DAAM2: variants seen among roughly 807,000 people sequenced by gnomAD.
DAAM2 encodes dishevelled associated activator of morphogenesis 2, also known as disheveled-associated activator of morphogenesis 2.
In DAAM2, 39 loss-of-function variants were observed where a neutral mutation model predicts 120.7. The ratio of observed to expected loss-of-function variants is 0.32; its 90% CI spans 0.25 to 0.42. The LOEUF (loss-of-function observed/expected upper bound fraction) is 0.42. Among genes scored for constraint, DAAM2 ranks in the 10% least tolerant of loss-of-function variants. DAAM2 has a pLI of 1.00. For synonymous variants in DAAM2, 488 were observed against 524.9 expected, an observed-to-expected ratio of 0.93 and a Z score of 0.96; for missense variants, 1,283 against 1,401.7, an observed-to-expected ratio of 0.92 and a Z score of 1.35.
chr6:39,834,750 T>A (rs1034441891), intron 1 of DAAM2, among the ~76,000 whole-genome samples: 3 of 152,180 alleles, frequency 2.0e-5, no homozygotes, highest in African/African-American at 7.2e-5. Context: ...TCACACCACA[T>A]GCATTTGGAT....
intron 1 of DAAM2, among the ~76,000 whole-genome samples, chr6:39,823,948 A>G (rs781756619): frequency 2.6e-5 from 4 of 151,576 alleles, no homozygotes; most frequent in African/African-American, 4.9e-5. Context: ...ATGATGCTCC[A>G]TTGTATCTCC....
rs41273134 is a variant in DAAM2 at position 39,903,899 on chromosome 6, G to A, written c.*1862G>A. On this transcript the variant is annotated 3_prime_UTR_variant, in exon 25 of 25. Transcript: ENST00000274867. ...AGGCCATCCTGGAACCCAGGTGAGGGCAAGATGAAGGCTTCCAGGCAGAAC... is the reference window on the plus strand; with the variant it reads ...AGGCCATCCTGGAACCCAGGTGAGGACAAGATGAAGGCTTCCAGGCAGAAC... 1.6e-3 allele frequency: 501 copies of A among 314,358 alleles called. No individual in the cohort carries two copies. The highest frequency in any genetic ancestry group is 2.6e-3 in the Non-Finnish European group (427 of 162,780). The allele number at this position is 314,358 out of a possible 1,614,324, so 19.5% of individuals were successfully genotyped here.
At chr6:39,830,848 G>T (rs181008641) in intron 1 of DAAM2, among the ~76,000 whole-genome samples, 2 of 152,288 alleles carry the variant, frequency 1.3e-5, no homozygotes, top group Non-Finnish European at 2.9e-5. Context: ...CCTGCAGTCC[G>T]GACCAGCTTT....
chr6:39,878,126 A>G lies in DAAM2; in HGVS notation c.1302-77A>G, dbSNP rs1764946374. 2 of 1,513,690 alleles carry G rather than the reference A, an allele frequency of 1.3e-6. No homozygotes were observed. Among genetic ancestry groups the G allele is most frequent in the Non-Finnish European group, 1.8e-6 (2 of 1,099,858 alleles). 93.8% of individuals were successfully genotyped at this position (1,513,690 alleles called of 1,614,324 possible). A position where few individuals can be genotyped will look rare whatever the true frequency, so the allele number is the denominator to read the frequency against. ...AGACCAGGGTCCCCACCTGGAGGGT[A>G]GAAAGATGATGTCTCCTGGGAAGCT... is the stretch of plus-strand genomic sequence containing the variant. On this transcript the variant is annotated intron_variant, in intron 11 of 24. Coordinates refer to ENST00000274867, the MANE Select transcript of DAAM2 (RefSeq NM_001201427.2). The surrounding 1 kb of genome is among the most constrained non-coding windows in gnomAD (Gnocchi z 5.0).
chr6:39,814,472 A>G (rs1176118461), intron 1 of DAAM2, among the ~76,000 whole-genome samples: 1 of 152,196 alleles, frequency 6.6e-6, no homozygotes, highest in African/African-American at 2.4e-5. Flanking sequence ...TTGGGTGAGC[A>G]CTGTGGTGAG....
rs1228307595 is a variant in DAAM2 at position 39,883,970 on chromosome 6, C to G, written c.1854C>G (p.Val618=). 2 of 1,611,920 alleles carry G rather than the reference C, an allele frequency of 1.2e-6. No homozygotes were observed. The highest frequency in any genetic ancestry group is 4.5e-5 in the East Asian group (2 of 44,864). Residue 618 remains valine (V), a synonymous_variant, in exon 15 of 25, where the codon GTC becomes GTG. Coordinates refer to ENST00000274867, the MANE Select transcript of DAAM2 (RefSeq NM_001201427.2). ...FNWVKLNEER[V]PGTVWNEIDD... is the part of the protein sequence containing the mutation. ...CCTACCCTGAATTTTAGGAGCGTGT[C>G]CCTGGCACCGTATGGAATGAGATTG...
intron 17 of DAAM2, among the ~76,000 whole-genome samples, chr6:39,891,082 G>T (rs1233318359): frequency 7.6e-6 from 1 of 131,216 alleles, no homozygotes; most frequent in African/African-American, 2.8e-5. Context: ...GACAGAGTGA[G>T]ACCCTATTAA....
intron 23 of DAAM2, 80 bp downstream of exon 23, chr6:39,900,288 G>A: frequency 1.3e-6 from 2 of 1,510,838 alleles, no homozygotes; most frequent in East Asian, 2.4e-5. Flanking sequence ...ACCACAGACA[G>A]CCCAGGAGGG....
intron 19 of DAAM2, 30 bp from the exon 20 acceptor site, chr6:39,896,782 C>T (rs764158699): frequency 1.3e-6 from 2 of 1,530,692 alleles, no homozygotes; most frequent in East Asian, 2.3e-5. Context: ...CTAGCCCATG[C>T]AGGCCTCTGA....
intron 1 of DAAM2, chr6:39,819,192 G>C (rs148578398): frequency 6.6e-6 from 1 of 152,282 alleles, no homozygotes; most frequent in Non-Finnish European, 1.5e-5. Context: ...CTGGCTTTCT[G>C]TTTGGCTGGA....
At chr6:39,794,662 C>G (rs891139614) in intron 1 of DAAM2, among the ~76,000 whole-genome samples, 1 of 152,102 alleles carries the variant, frequency 6.6e-6, no homozygotes, top group Non-Finnish European at 1.5e-5. Context: ...TCTTCTTTCC[C>G]GACTGTCTCC....
Position 39,878,520 on chromosome 6 carries a change from GA to G in DAAM2, c.1478del (p.Glu493GlyfsTer16). The G allele has an allele frequency of 6.2e-7, 1 of 1,610,402 alleles. No homozygotes were observed. The highest frequency in any genetic ancestry group is 2.2e-5 in the East Asian group (1 of 44,710). On this transcript the variant is annotated frameshift_variant, in exon 13 of 25. Transcript: ENST00000274867. LOFTEE classifies it high-confidence loss of function. The surrounding 1 kb of genome is among the most constrained non-coding windows in gnomAD (Gnocchi z 5.0). ...CAAAATGAAGGACAAGCTGGCCCGG[GA>G]GTCCCAGGAGCTGCGCCAGGCTCGG... ...LNKMKDKLARESQELRQARGQ... is the reference protein window; with the variant it reads ...LNKMKDKLARXSQELRQARGQ...
chr6:39,858,255 TGCTTTTCTAAAAGACCAC>T (rs1340122129), intron 2 of DAAM2, among the ~76,000 whole-genome samples: 5 of 152,206 alleles, frequency 3.3e-5, no homozygotes, highest in African/African-American at 1.2e-4. Flanking sequence ...TGATCTGATC[TGCTTTTCTAAAAGACCAC>T]GCAAGGTGCT....
At chr6:39,862,419 A>G (rs1363876240) in intron 3 of DAAM2, 1 of 152,188 alleles carries the variant, frequency 6.6e-6, no homozygotes, top group East Asian at 1.9e-4. Context: ...GTAATTAATC[A>G]TATCTCATGA....
chr6:39,799,075 C>G (rs1057308497), intron 1 of DAAM2, among the ~76,000 whole-genome samples: 3 of 152,172 alleles, frequency 2.0e-5, no homozygotes, highest in African/African-American at 4.8e-5. Flanking sequence ...CTTGCAAGAG[C>G]TAGTCTCCAT....
At chr6:39,815,595 C>T (rs572733397) in intron 1 of DAAM2, among the ~76,000 whole-genome samples, 5 of 152,014 alleles carry the variant, frequency 3.3e-5, no homozygotes, top group East Asian at 3.9e-4. Flanking sequence ...ATGCAAACCA[C>T]GAACTCTTCT....
chr6:39,864,621 C>G (rs1417914734), intron 4 of DAAM2, 114 bp downstream of exon 4: 2 of 783,944 alleles, frequency 2.6e-6, no homozygotes, highest in Non-Finnish European at 4.0e-6. Context: ...CTCCTCAGCG[C>G]CCCACTGCCC....
intron 1 of DAAM2, among the ~76,000 whole-genome samples, chr6:39,800,631 G>A (rs456462): frequency 0.86 from 131,341 of 152,100 alleles, 58,594 homozygotes; most frequent in Non-Finnish European, 0.99. Flanking sequence ...CCTTTTTGGA[G>A]CAGCCCCGGC....
intron 1 of DAAM2, among the ~76,000 whole-genome samples, chr6:39,811,027 G>T (rs1052235459): frequency 6.6e-6 from 1 of 152,180 alleles, no homozygotes; most frequent in Non-Finnish European, 1.5e-5. Context: ...GATGATGGCT[G>T]TGGGAATGCT....
Sources: gnomAD v4.1 joint callset for allele counts (sites outside exome capture counted in the v4.1 genomes callset) on GRCh38, gnomAD v4.1.1 for gene constraint, Gnocchi (gnomAD v3.1) non-coding constraint, MANE v1.5 for transcripts, NCBI Gene and HGNC (gene_info 2026-07-23, HGNC 2026-07-21) for gene names.